MLLT3: variants seen among roughly 807,000 people sequenced by gnomAD.
MLLT3 encodes protein AF-9.
In MLLT3, 4 loss-of-function variants were observed where a neutral mutation model predicts 53.2. The ratio of observed to expected loss-of-function variants is 0.08; its 90% CI spans 0.04 to 0.17. The LOEUF (loss-of-function observed/expected upper bound fraction) is 0.17. Ranked by LOEUF, MLLT3 falls within the 10% of genes least tolerant of loss-of-function variation. The pLI is 1.00. For synonymous variants in MLLT3, 283 were observed against 230.6 expected, an observed-to-expected ratio of 1.23 and a Z score of -2.06; for missense variants, 569 against 684.0, an observed-to-expected ratio of 0.83 and a Z score of 1.87.
chr9:20,442,064 A>G (rs1823568805), intron 4 of MLLT3, among the ~76,000 whole-genome samples: 2 of 152,192 alleles, frequency 1.3e-5, no homozygotes, highest in African/African-American at 4.8e-5. Flanking sequence ...CACTTAGAAT[A>G]TTTCCAATTT....
intron 5 of MLLT3, among the ~76,000 whole-genome samples, chr9:20,409,161 C>A (rs1200527777): frequency 6.6e-6 from 1 of 152,148 alleles, no homozygotes; most frequent in Non-Finnish European, 1.5e-5. Flanking sequence ...TACTTCTTCA[C>A]TTTAAAATTA....
Position 20,572,349 on chromosome 9 carries a change from T to C in MLLT3, c.193+48305A>G, listed in dbSNP as rs1009922493. Among the ~76,000 whole-genome samples, 4 of 151,960 alleles carry C rather than the reference T, an allele frequency of 2.6e-5. No individual in the cohort carries two copies. In the South Asian group the frequency reaches 8.3e-4, roughly 32 times the overall value. On this transcript the variant is annotated intron_variant, in intron 2 of 10. Coordinates refer to ENST00000380338, the MANE Select transcript of MLLT3 (RefSeq NM_004529.4). ...GTATATTTCAAAATTGCTGAGAGAGTAGATATTAAATGTTCTTGCCATCTC... is the reference window on the plus strand; with the variant it reads ...GTATATTTCAAAATTGCTGAGAGAGCAGATATTAAATGTTCTTGCCATCTC...
intron 2 of MLLT3, among the ~76,000 whole-genome samples, chr9:20,530,061 C>A (rs73432559): frequency 6.6e-6 from 1 of 152,126 alleles, no homozygotes; most frequent in Non-Finnish European, 1.5e-5. Context: ...TTTTGAAATG[C>A]CTCCTATTTC....
At chr9:20,614,310 G>C (rs2780843) in intron 2 of MLLT3, among the ~76,000 whole-genome samples, 52,570 of 151,578 alleles carry the variant, frequency 0.35, 10,465 homozygotes, top group African/African-American at 0.56. Flanking sequence ...AGGAGAATTA[G>C]TTGAACCCGG....
At position 20,620,745 on chromosome 9, in the gene MLLT3, C is replaced by T. The variant is rs1820979440; in HGVS notation, c.102G>A (p.Val34=). The T allele has an allele frequency of 6.2e-7, 1 of 1,614,174 alleles. No individual in the cohort carries two copies. Among genetic ancestry groups the T allele is most frequent in the Non-Finnish European group, 8.5e-7 (1 of 1,180,008 alleles). The change falls in exon 2 of 11, where the codon GTG becomes GTA. Residue 34 remains valine (V), a synonymous_variant. Coordinates refer to ENST00000380338, the MANE Select transcript of MLLT3 (RefSeq NM_004529.4). The surrounding 1 kb of genome is among the most constrained non-coding windows in gnomAD (Gnocchi z 6.1). ...TVEGFTHDWM[V]FVRGPEHSNI... ...TACTGTGCTCCGGACCGCGTACGAA[C>T]ACCATCCAGTCGTGGGTGAAGCCCT... is the stretch of plus-strand genomic sequence containing the variant.
intron 2 of MLLT3, among the ~76,000 whole-genome samples, chr9:20,513,847 T>C (rs899602639): frequency 2.0e-5 from 3 of 152,210 alleles, no homozygotes; most frequent in Non-Finnish European, 2.9e-5. Context: ...TGAAGCAACA[T>C]AAAATTATAA....
chr9:20,519,245 T>TG (rs1432004747), intron 2 of MLLT3, among the ~76,000 whole-genome samples: 1 of 152,218 alleles, frequency 6.6e-6, no homozygotes, highest in Admixed American at 6.5e-5. Context: ...AATAATGGTG[T>TG]GCCAATATTA....
intron 2 of MLLT3, among the ~76,000 whole-genome samples, chr9:20,607,653 T>C (rs921973199): frequency 9.9e-5 from 15 of 152,096 alleles, no homozygotes; most frequent in Non-Finnish European, 1.8e-4. Context: ...TTTTGTAAAA[T>C]CATCTACTAC....
At position 20,621,039 on chromosome 9, in the gene MLLT3, A is replaced by G. The variant is rs1820989266; in HGVS notation, c.13-205T>C. The G allele has an allele frequency of 1.4e-6, 1 of 706,506 alleles. No homozygotes were observed. The highest frequency in any genetic ancestry group is 1.8e-5 in the African/African-American group (1 of 56,866). The allele number at this position is 706,506 out of a possible 1,614,324, so 43.8% of individuals were successfully genotyped here. A position where few individuals can be genotyped will look rare whatever the true frequency, so the allele number is the denominator to read the frequency against. The stretch of plus-strand genomic sequence containing the variant: ...CGCCCGCCCGGCCCGGCTTGGCCCC[A>G]GGCGCCCCGGGCCCCGCATCTACAT... On this transcript the variant is annotated intron_variant, in intron 1 of 10. Transcript: ENST00000380338. The surrounding 1 kb of genome is among the most constrained non-coding windows in gnomAD (Gnocchi z 7.0).
At chr9:20,508,880 C>G (rs1825449749) in intron 2 of MLLT3, among the ~76,000 whole-genome samples, 1 of 152,168 alleles carries the variant, frequency 6.6e-6, no homozygotes. Context: ...GTCGTCTCTA[C>G]ATCCTCAAGG....
chr9:20,450,605 T>A (rs1318954194), intron 3 of MLLT3, among the ~76,000 whole-genome samples: 1 of 152,144 alleles, frequency 6.6e-6, no homozygotes, highest in Admixed American at 6.5e-5. Flanking sequence ...ACACCTGAAA[T>A]GTCCTCCCTC....
intron 2 of MLLT3, among the ~76,000 whole-genome samples, chr9:20,603,755 C>T (rs1054665002): frequency 6.6e-6 from 1 of 152,032 alleles, no homozygotes; most frequent in African/African-American, 2.4e-5. Context: ...CTCTTCTACT[C>T]CTCGTTTTAC....
chr9:20,414,312 ACTGCTGCTGCTGCTGCTG>A lies in MLLT3; in HGVS notation c.516_533del (p.Ser185_Ser190del). 2 of 1,564,900 alleles carry A rather than the reference ACTGCTGCTGCTGCTGCTG, an allele frequency of 1.3e-6. No individual in the cohort carries two copies. Among genetic ancestry groups the A allele is most frequent in the Non-Finnish European group, 1.7e-6 (2 of 1,145,600 alleles). On this transcript the variant is annotated inframe_deletion, in exon 5 of 11. Coordinates refer to ENST00000380338, the MANE Select transcript of MLLT3 (RefSeq NM_004529.4). The stretch of plus-strand genomic sequence containing the variant: ...TGCTGCTGCTGCTACTGCTGCTGCT[ACTGCTGCTGCTGCTGCTG>A]CTGCTGCTGCTGCTACTGCTGCTGC...
At chr9:20,457,714 T>C (rs1256798146) in intron 2 of MLLT3, among the ~76,000 whole-genome samples, 3 of 152,156 alleles carry the variant, frequency 2.0e-5, no homozygotes, top group African/African-American at 4.8e-5. Flanking sequence ...TAAGAATACA[T>C]AAGAAACAAT....
intron 2 of MLLT3, among the ~76,000 whole-genome samples, chr9:20,559,160 T>C (rs1563817228): frequency 6.6e-6 from 1 of 152,220 alleles, no homozygotes; most frequent in Non-Finnish European, 1.5e-5. Context: ...CTAAAAATAA[T>C]TTTATATAAA....
At chr9:20,602,637 G>T (rs934724533) in intron 2 of MLLT3, among the ~76,000 whole-genome samples, 37 of 151,996 alleles carry the variant, frequency 2.4e-4, no homozygotes, top group Admixed American at 2.4e-3. Context: ...TTTATTACAA[G>T]GAAGTAAATG....
intron 2 of MLLT3, among the ~76,000 whole-genome samples, chr9:20,551,837 T>C (rs760683591): frequency 6.6e-6 from 1 of 152,186 alleles, no homozygotes; most frequent in Non-Finnish European, 1.5e-5. Context: ...CCTATAGACA[T>C]GAACATATTA....
intron 5 of MLLT3, among the ~76,000 whole-genome samples, chr9:20,386,465 A>G (rs1328458886): frequency 6.6e-6 from 1 of 152,196 alleles, no homozygotes; most frequent in Non-Finnish European, 1.5e-5. Context: ...AGCTTTGCTA[A>G]AGAAAGACCA....
At chr9:20,500,954 C>T (rs1326052803) in intron 2 of MLLT3, among the ~76,000 whole-genome samples, 1 of 152,174 alleles carries the variant, frequency 6.6e-6, no homozygotes, top group African/African-American at 2.4e-5. Context: ...GCCTATAATT[C>T]AGAGTTTCAA....
Sources: gnomAD v4.1 joint callset for allele counts (sites outside exome capture counted in the v4.1 genomes callset) on GRCh38, gnomAD v4.1.1 for gene constraint, Gnocchi (gnomAD v3.1) non-coding constraint, MANE v1.5 for transcripts, NCBI Gene and HGNC (gene_info 2026-07-23, HGNC 2026-07-21) for gene names.